The following IFITM3 variants were observed in gnomAD, a reference collection of about 807,000 sequenced individuals.
The protein encoded by IFITM3 is interferon induced transmembrane protein 3.
In IFITM3, 5 loss-of-function variants were observed where a neutral mutation model predicts 5.2. The observed-to-expected ratio is 0.96, with a 90% CI of 0.50 to 2.03. The LOEUF is 2.03. Among genes scored for constraint, IFITM3 ranks in the 30% most tolerant of loss-of-function variants. The probability of loss-of-function intolerance (pLI) is 0.01; values close to 1 mark genes in which losing one functional copy is unlikely to be tolerated. For missense variants in IFITM3, 156 were observed against 177.3 expected (o/e 0.88, Z 0.68); for synonymous variants, 81 against 77.6 (o/e 1.04, Z -0.23).
rs1257376594 is a variant in IFITM3 at position 320,139 on chromosome 11, G to A, written c.250-149C>T. ...CGGGCTCAGACTCTCCAGGAGCCTC[G>A]GGGCTCATCCTCCTTCTGCCTTGAC... is the stretch of plus-strand genomic sequence containing the variant. On this transcript the variant is annotated intron_variant, in intron 1 of 1. Coordinates refer to ENST00000399808, the MANE Select transcript of IFITM3 (RefSeq NM_021034.3). 7.1e-6 allele frequency: 6 copies of A among 841,804 alleles called. No individual in the cohort carries two copies. In the Middle Eastern group the frequency reaches 1.6e-3, roughly 227 times the overall value. 52.1% of individuals were successfully genotyped at this position (841,804 alleles called of 1,614,324 possible).
chr11:320,577 G>T lies in IFITM3; in HGVS notation c.237C>A (p.Ala79=), dbSNP rs201267608. ...GGGCCATACGCACCTTCACGGAGTA[G>T]GCGAATGCTATGAAGCCCAGGCAGC... ...NPCCLGFIAF[A]YSVKSRDRKM... The change falls in exon 1 of 2, where the codon GCC becomes GCA. Residue 79 remains alanine, a synonymous_variant. Coordinates refer to ENST00000399808, the MANE Select transcript of IFITM3 (RefSeq NM_021034.3). 5 of 1,613,878 alleles carry T rather than the reference G, an allele frequency of 3.1e-6. No individual in the cohort carries two copies. Among genetic ancestry groups the T allele is most frequent in the Non-Finnish European group, 4.2e-6 (5 of 1,179,862 alleles).
chr11:320,788 A>G lies in IFITM3; in HGVS notation c.26T>C (p.Phe9Ser), dbSNP rs1388633832. The G allele has an allele frequency of 6.2e-7, 1 of 1,613,588 alleles. No individual in the cohort carries two copies. The highest frequency in any genetic ancestry group is 1.1e-5 in the South Asian group (1 of 91,056). The change falls in exon 1 of 2, where the codon TTC becomes TCC. Residue 9 changes from phenylalanine to serine, a missense_variant. Phe to Ser is a radical substitution (Grantham distance 155, BLOSUM62 -2). Coordinates refer to ENST00000399808, the MANE Select transcript of IFITM3 (RefSeq NM_021034.3). MNHTVQTF[F>S]SPVNSGQPPN... ...GGGCTGGCCACTGTTGACAGGAGAG[A>G]AGAAGGTTTGGACAGTGTGATTCAT...
In IFITM3 at chr11:319,972, C is replaced by T. The variant is rs376417425; in HGVS notation, c.268G>A (p.Val90Ile). The T allele has an allele frequency of 3.5e-5, 56 of 1,613,778 alleles. No homozygotes were observed. In the African/African-American group the frequency reaches 6.8e-4, roughly 20 times the overall value. The stretch of plus-strand genomic sequence containing the variant: ...GCCTGGGCCCCGGTCACGTCGCCAA[C>T]CATCTTCCTGTCCCTAGACTGGGGG... ...YSVKSRDRKM[V>I]GDVTGAQAYA... Residue 90 changes from valine (V) to isoleucine (I), a missense_variant, in exon 2 of 2, where the codon GTT (valine) becomes ATT (isoleucine). By Grantham distance (29) the Val-to-Ile change is conservative. Coordinates refer to ENST00000399808, the MANE Select transcript of IFITM3 (RefSeq NM_021034.3).
At position 320,649 on chromosome 11, in the gene IFITM3, G is replaced by T; in HGVS notation, c.165C>A (p.Pro55=). The change falls in exon 1 of 2, where the codon CCC becomes CCA. Residue 55 remains proline, a synonymous_variant. Transcript: ENST00000399808. The part of the protein sequence containing the change: ...VIHIRSETSV[P]DHVVWSLFNT... Reference sequence around the variant, plus strand: ...TGAACAGGGACCAGACGACATGGTCGGGCACGGAGGTCTCGCTGCGGATGT... The same window carrying T: ...TGAACAGGGACCAGACGACATGGTCTGGCACGGAGGTCTCGCTGCGGATGT... 51 of 1,516,968 alleles carry T rather than the reference G, an allele frequency of 3.4e-5. No homozygotes were observed. Among genetic ancestry groups the T allele is most frequent in the Non-Finnish European group, 4.5e-5 (50 of 1,115,364 alleles). The allele number at this position is 1,516,968 out of a possible 1,614,324, so 94.0% of individuals were successfully genotyped here.
Position 320,838 on chromosome 11 carries a change from G to A in IFITM3, c.-25C>T, listed in dbSNP as rs766039358. 27 of 1,588,622 alleles carry A rather than the reference G, an allele frequency of 1.7e-5. No individual in the cohort carries two copies. The highest frequency in any genetic ancestry group is 1.9e-4 in the Middle Eastern group (1 of 5,180). On this transcript the variant is annotated 5_prime_UTR_variant, in exon 1 of 2. Coordinates refer to ENST00000399808, the MANE Select transcript of IFITM3 (RefSeq NM_021034.3). Reference sequence around the variant, plus strand: ...TGGTGTCCAGCGAAGACCAGCGGCGGTCGGGTTACTGGGATGGTTCTCAGT... The same window carrying A: ...TGGTGTCCAGCGAAGACCAGCGGCGATCGGGTTACTGGGATGGTTCTCAGT...
chr11:320,216 C>T, intron 1 of IFITM3: 1 of 721,144 alleles, frequency 1.4e-6, no homozygotes, highest in Non-Finnish European at 2.5e-6. Flanking sequence ...TGTGAGTTCC[C>T]TTCTCACTTT....
At position 320,748 on chromosome 11, in the gene IFITM3, C is replaced by A; in HGVS notation, c.66G>T (p.Met22Ile). The part of the protein sequence containing the change: ...VNSGQPPNYE[M>I]LKEEHEVAVL... ...CAGCCACCTCGTGCTCCTCCTTGAG[C>A]ATCTCATAGTTGGGGGGCTGGCCAC... is the stretch of plus-strand genomic sequence containing the variant. The change falls in exon 1 of 2, where the codon ATG becomes ATT. Residue 22 changes from methionine to isoleucine, a missense_variant. Met to Ile is a conservative substitution (Grantham distance 10). Transcript: ENST00000399808. The A allele has an allele frequency of 6.2e-7, 1 of 1,613,906 alleles. No homozygotes were observed. Among genetic ancestry groups the A allele is most frequent in the Non-Finnish European group, 8.5e-7 (1 of 1,179,910 alleles).
In IFITM3 at chr11:320,522, G is replaced by A. The variant is rs1294486008; in HGVS notation, c.249+43C>T. 1.9e-6 allele frequency: 3 copies of A among 1,605,696 alleles called. No homozygotes were observed. The Admixed American group carries it at 5.0e-5, about 27-fold the overall frequency. On this transcript the variant is annotated intron_variant, in intron 1 of 1. Transcript: ENST00000399808. ...CAGCATGTGGGCAGGTGGAGCTCCA[G>A]GCTCAGCGGCACCCTCTGAGCATTC...
In IFITM3 at chr11:319,776, A is replaced by C. The variant is rs1166426553; in HGVS notation, c.*62T>G. The stretch of plus-strand genomic sequence containing the variant: ...CTCCGGGGGCAGGGCGAGGAATGGA[A>C]GTTGGAGTACGTGGGATACAGGTCA... On this transcript the variant is annotated 3_prime_UTR_variant, in exon 2 of 2. Transcript: ENST00000399808. 1 of 1,608,676 alleles carries C rather than the reference A, an allele frequency of 6.2e-7. No individual in the cohort carries two copies. The highest frequency in any genetic ancestry group is 1.7e-5 in the Admixed American group (1 of 60,002).
At position 320,805 on chromosome 11, in the gene IFITM3, G is replaced by A; in HGVS notation, c.9C>T (p.His3=). The A allele has an allele frequency of 6.2e-7, 1 of 1,609,046 alleles. No individual in the cohort carries two copies. The highest frequency in any genetic ancestry group is 8.5e-7 in the Non-Finnish European group (1 of 1,176,090). Residue 3 remains histidine, a synonymous_variant, in exon 1 of 2, where the codon CAC becomes CAT. Coordinates refer to ENST00000399808, the MANE Select transcript of IFITM3 (RefSeq NM_021034.3). MN[H]TVQTFFSPVN... ...CAGGAGAGAAGAAGGTTTGGACAGT[G>A]TGATTCATGGTGTCCAGCGAAGACC...
At position 319,864 on chromosome 11, in the gene IFITM3, C is replaced by A. The variant is rs765738736; in HGVS notation, c.376G>T (p.Val126Leu). 1.7e-5 allele frequency: 28 copies of A among 1,614,092 alleles called. No individual in the cohort carries two copies. Among genetic ancestry groups the A allele is most frequent in the Non-Finnish European group, 2.4e-5 (28 of 1,180,044 alleles). The stretch of plus-strand genomic sequence containing the variant: ...TATCCATAGGCCTGGAAGATCAGCA[C>A]TGGGATGACGATGAGCAGAATGGTC... Reference protein sequence around the residue: ...LMTILLIVIPVLIFQAYG With the variant: ...LMTILLIVIPLLIFQAYG Residue 126 changes from valine (V) to leucine (L), a missense_variant, in exon 2 of 2, where the codon GTG (valine) becomes TTG (leucine). Transcript: ENST00000399808.
chr11:320,742 C>T lies in IFITM3; in HGVS notation c.72G>A (p.Lys24=), dbSNP rs1449303750. The T allele has an allele frequency of 6.2e-7, 1 of 1,613,882 alleles. No homozygotes were observed. The highest frequency in any genetic ancestry group is 8.5e-7 in the Non-Finnish European group (1 of 1,179,866). ...SGQPPNYEML[K]EEHEVAVLGA... The stretch of plus-strand genomic sequence containing the variant: ...CCAGCACAGCCACCTCGTGCTCCTC[C>T]TTGAGCATCTCATAGTTGGGGGGCT... The change falls in exon 1 of 2, where the codon AAG becomes AAA. Residue 24 remains lysine (K), a synonymous_variant. Coordinates refer to ENST00000399808, the MANE Select transcript of IFITM3 (RefSeq NM_021034.3).
rs767878327 is a variant in IFITM3, at chr11:320,607, G to T, written c.207C>A (p.Asn69Lys). 3.6e-5 allele frequency: 58 copies of T among 1,613,724 alleles called. No individual in the cohort carries two copies. Among genetic ancestry groups the T allele is most frequent in the South Asian group, 1.2e-4 (11 of 91,076 alleles). Residue 69 changes from asparagine to lysine, a missense_variant, in exon 1 of 2, where the codon AAC becomes AAA. Transcript: ENST00000399808. ...VWSLFNTLFM[N>K]PCCLGFIAFA... ...ATGCTATGAAGCCCAGGCAGCAGGGGTTCATGAAGAGGGTGTTGAACAGGG... is the reference window on the plus strand; with the variant it reads ...ATGCTATGAAGCCCAGGCAGCAGGGTTTCATGAAGAGGGTGTTGAACAGGG...
Position 319,679 on chromosome 11 carries a change from A to T in IFITM3, c.*159T>A. On this transcript the variant is annotated 3_prime_UTR_variant, in exon 2 of 2. Transcript: ENST00000399808. ...CCCCAGGTGAAGTCGCAGCAGCACC[A>T]GAAACACGTGCACTTTATTGAATGC... The T allele has an allele frequency of 1.0e-6, 1 of 987,592 alleles. No homozygotes were observed. Among genetic ancestry groups the T allele is most frequent in the Non-Finnish European group, 1.6e-6 (1 of 641,636 alleles). 61.2% of individuals were successfully genotyped at this position (987,592 alleles called of 1,614,324 possible).
In IFITM3 at chr11:320,826, A is replaced by G. The variant is rs1171402195; in HGVS notation, c.-13T>C. ...CAGTGTGATTCATGGTGTCCAGCGA[A>G]GACCAGCGGCGGTCGGGTTACTGGG... On this transcript the variant is annotated 5_prime_UTR_variant, in exon 1 of 2. Transcript: ENST00000399808. The G allele has an allele frequency of 6.3e-7, 1 of 1,597,708 alleles. No individual in the cohort carries two copies. Among genetic ancestry groups the G allele is most frequent in the Non-Finnish European group, 8.6e-7 (1 of 1,167,672 alleles).
rs1241887777 is a variant in IFITM3, at chr11:319,824, T to C, written c.*14A>G. 2 of 1,613,992 alleles carry C rather than the reference T, an allele frequency of 1.2e-6. No homozygotes were observed. The highest frequency in any genetic ancestry group is 1.6e-4 in the Middle Eastern group (1 of 6,084). On this transcript the variant is annotated 3_prime_UTR_variant, in exon 2 of 2. Coordinates refer to ENST00000399808, the MANE Select transcript of IFITM3 (RefSeq NM_021034.3). ...TCATGGGCAGAGCTCCTGGCCTCAG[T>C]GATGCCTCCTGATCTATCCATAGGC...
In IFITM3 at chr11:319,984, C is replaced by T. The variant is rs1304161821; in HGVS notation, c.256G>A (p.Asp86Asn). The part of the protein sequence containing the change: ...IAFAYSVKSR[D>N]RKMVGDVTGA... ...GTCACGTCGCCAACCATCTTCCTGTCCCTAGACTGGGGGAGAGGAGATGGT... is the reference window on the plus strand; with the variant it reads ...GTCACGTCGCCAACCATCTTCCTGTTCCTAGACTGGGGGAGAGGAGATGGT... Residue 86 changes from aspartate (D) to asparagine (N), a missense_variant, in exon 2 of 2, where the codon GAC becomes AAC. By Grantham distance (23) the Asp-to-Asn change is conservative. Transcript: ENST00000399808. The T allele has an allele frequency of 6.2e-7, 1 of 1,613,592 alleles. No homozygotes were observed.
Position 320,785 on chromosome 11 carries a change from G to C in IFITM3, c.29C>G (p.Ser10Cys). ...GGGGGGCTGGCCACTGTTGACAGGA[G>C]AGAAGAAGGTTTGGACAGTGTGATT... MNHTVQTFF[S>C]PVNSGQPPNY... The change falls in exon 1 of 2, where the codon TCT becomes TGT. Residue 10 changes from serine (S) to cysteine (C), a missense_variant. By Grantham distance (112) the Ser-to-Cys change is moderately radical (BLOSUM62 -1). Transcript: ENST00000399808. 1.2e-6 allele frequency: 2 copies of C among 1,613,822 alleles called. No individual in the cohort carries two copies. Among genetic ancestry groups the C allele is most frequent in the Admixed American group, 1.7e-5 (1 of 60,026 alleles).
chr11:320,402 C>G (rs1194389066), intron 1 of IFITM3, among the ~76,000 whole-genome samples, 163 bp downstream of exon 1: 1 of 152,224 alleles, frequency 6.6e-6, no homozygotes, highest in Admixed American at 6.5e-5. Context: ...CACACACACA[C>G]AGATCACACA....
Sources: gnomAD v4.1 joint callset for allele counts (sites outside exome capture counted in the v4.1 genomes callset) on GRCh38, gnomAD v4.1.1 for gene constraint, MANE v1.5 for transcripts, NCBI Gene and HGNC (gene_info 2026-07-23, HGNC 2026-07-21) for gene names.